FASTKD1: variants seen among roughly 807,000 people sequenced by gnomAD.
FASTKD1 encodes FAST kinase domain-containing protein 1, mitochondrial.
FASTKD1 carries 94 observed loss-of-function variants against 90.9 expected under a neutral mutation model. The ratio of observed to expected loss-of-function variants is 1.03; its 90% CI spans 0.88 to 1.23. The LOEUF (loss-of-function observed/expected upper bound fraction) is 1.23, where lower values mean the gene tolerates loss of function less well. Among genes scored for constraint, FASTKD1 ranks in the 50% most tolerant of loss-of-function variants. The pLI, the probability that FASTKD1 is intolerant of heterozygous loss-of-function variation, is 0.00. For synonymous variants in FASTKD1, 319 were observed against 345.8 expected, an observed-to-expected ratio of 0.92 and a Z score of 0.86; for missense variants, 945 against 993.5, an observed-to-expected ratio of 0.95 and a Z score of 0.66.
In FASTKD1 at chr2:169,571,899, T is replaced by A; in HGVS notation, c.131A>T (p.Asn44Ile). 6.2e-7 allele frequency: 1 copy of A among 1,614,112 alleles called. No homozygotes were observed. The highest frequency in any genetic ancestry group is 1.3e-5 in the African/African-American group (1 of 75,042). ...CATTTGCTCCTCATCTGTACACTTA[T>A]TCATCTGAATAATTAGTGGTTCACA... Reference protein sequence around the residue: ...ISCEPLIIQMNKCTDEEQMFG... With the variant: ...ISCEPLIIQMIKCTDEEQMFG... The change falls in exon 2 of 15, where the codon AAT becomes ATT. Residue 44 changes from asparagine (N) to isoleucine (I), a missense_variant. Asn to Ile is a moderately radical substitution (Grantham distance 149). Transcript: ENST00000453153.
At chr2:169,562,004 C>CAATTATTT (rs1683691874) in intron 4 of FASTKD1, among the ~76,000 whole-genome samples, 1 of 73,688 alleles carries the variant, frequency 1.4e-5, no homozygotes, top group African/African-American at 5.4e-5. Flanking sequence ...ATTAATTATT[C>CAATTATTT]ATTAATTTAT....
intron 10 of FASTKD1, among the ~76,000 whole-genome samples, 170 bp downstream of exon 10, chr2:169,539,881 T>A (rs74407056): frequency 0.027 from 4,113 of 152,286 alleles, 176 homozygotes; most frequent in African/African-American, 0.094. Flanking sequence ...AGATGGGTAA[T>A]TTTTTATTTT....
At position 169,529,160 on chromosome 2, in the gene FASTKD1, A is replaced by AT. The variant is rs1684372658; in HGVS notation, c.*664dup. On this transcript the variant is annotated 3_prime_UTR_variant, in exon 15 of 15. Coordinates refer to ENST00000453153, the MANE Select transcript of FASTKD1 (RefSeq NM_024622.6). ...GTTTAAAAGACATCACAAACTCAAC[A>AT]TATCTAAAACAAACTTGTGATCAAC... Among the ~76,000 whole-genome samples, 1 of 152,076 alleles carries AT rather than the reference A, an allele frequency of 6.6e-6. No individual in the cohort carries two copies. The highest frequency in any genetic ancestry group is 6.6e-5 in the Admixed American group (1 of 15,260).
intron 3 of FASTKD1, among the ~76,000 whole-genome samples, chr2:169,565,590 T>C (rs1683940094): frequency 6.6e-6 from 1 of 152,190 alleles, no homozygotes; most frequent in Non-Finnish European, 1.5e-5. Context: ...ATTCATCTGT[T>C]GATGGACACT....
At chr2:169,542,449 A>C (rs897235739) in intron 9 of FASTKD1, among the ~76,000 whole-genome samples, 6 of 152,368 alleles carry the variant, frequency 3.9e-5, no homozygotes, top group Middle Eastern at 3.4e-3. Flanking sequence ...TAAAAAGGAA[A>C]AGGAAAAGGA....
chr2:169,560,144 A>AT (rs1038802737), intron 5 of FASTKD1: 37 of 260,522 alleles, frequency 1.4e-4, no homozygotes, highest in Non-Finnish European at 1.9e-4. Context: ...GTTTCCCCTC[A>AT]TTTTTTTTCA....
chr2:169,533,972 A>C (rs192827069), intron 12 of FASTKD1, among the ~76,000 whole-genome samples: 2 of 151,998 alleles, frequency 1.3e-5, no homozygotes, highest in Admixed American at 1.3e-4. Context: ...GGAGTTTAAG[A>C]CCAGCCTGTG....
At chr2:169,561,425 G>A (rs749158071) in intron 4 of FASTKD1, among the ~76,000 whole-genome samples, 2 of 152,006 alleles carry the variant, frequency 1.3e-5, no homozygotes, top group African/African-American at 2.4e-5. Flanking sequence ...GACAATCATA[G>A]TACTGGATTA....
At chr2:169,559,453 C>G (rs1211805554) in intron 5 of FASTKD1, among the ~76,000 whole-genome samples, 2 of 151,768 alleles carry the variant, frequency 1.3e-5, no homozygotes, top group African/African-American at 4.8e-5. Flanking sequence ...TCTTTTGAGA[C>G]AAGGTTTCAT....
chr2:169,530,831 TTA>T, intron 13 of FASTKD1, 130 bp from the exon 14 acceptor site: 1 of 647,298 alleles, frequency 1.5e-6, no homozygotes, highest in Non-Finnish European at 2.8e-6. Flanking sequence ...GTATATCAAG[TTA>T]TGTTTCTACT....
At chr2:169,571,031 A>G (rs926118452) in intron 2 of FASTKD1, 1 of 152,272 alleles carries the variant, frequency 6.6e-6, no homozygotes, top group Non-Finnish European at 1.5e-5. Context: ...GCAGCCAACC[A>G]CATTTTCACA....
At chr2:169,561,811 A>G (rs555493953) in intron 4 of FASTKD1, among the ~76,000 whole-genome samples, 15 of 145,762 alleles carry the variant, frequency 1.0e-4, no homozygotes, top group Admixed American at 9.1e-4. Context: ...TTATTAATTT[A>G]TTGTAAATTA....
Position 169,563,307 on chromosome 2 carries a change from C to T in FASTKD1, c.490G>A (p.Asp164Asn), listed in dbSNP as rs1166525542. 6.2e-7 allele frequency: 1 copy of T among 1,611,526 alleles called. No homozygotes were observed. The highest frequency in any genetic ancestry group is 2.2e-5 in the East Asian group (1 of 44,814). ...LLSEFSSCLA[D>N]QHLYFSPLMG... ...AATGGACTAAAATACAAATGCTGAT[C>T]TGCTAGGCAAGAGGAAAATTCTGAG... The change falls in exon 4 of 15, where the codon GAT becomes AAT. Residue 164 changes from aspartate to asparagine, a missense_variant. Coordinates refer to ENST00000453153, the MANE Select transcript of FASTKD1 (RefSeq NM_024622.6).
intron 4 of FASTKD1, among the ~76,000 whole-genome samples, chr2:169,561,621 A>C (rs1408978577): frequency 6.6e-6 from 1 of 150,900 alleles, no homozygotes; most frequent in Non-Finnish European, 1.5e-5. Context: ...AGATGGAAAG[A>C]ATAAAAAAGA....
chr2:169,571,582 A>G (rs1169105440), intron 2 of FASTKD1, 71 bp downstream of exon 2: 1 of 1,049,572 alleles, frequency 9.5e-7, no homozygotes, highest in African/African-American at 1.6e-5. Context: ...AAATGAAAAT[A>G]AAGAGATTTT....
chr2:169,563,174 C>T lies in FASTKD1; in HGVS notation c.572+51G>A, dbSNP rs1460157953. 4.5e-6 allele frequency: 7 copies of T among 1,572,734 alleles called. No individual in the cohort carries two copies. In the African/African-American group the frequency reaches 6.8e-5, roughly 15 times the overall value. ...TAGCAAATCTGACTGCATCCACATCCAAAGCCCAGGATCTTTCCACCACAA... is the reference window on the plus strand; with the variant it reads ...TAGCAAATCTGACTGCATCCACATCTAAAGCCCAGGATCTTTCCACCACAA... On this transcript the variant is annotated intron_variant, in intron 4 of 14. Coordinates refer to ENST00000453153, the MANE Select transcript of FASTKD1 (RefSeq NM_024622.6).
intron 3 of FASTKD1, among the ~76,000 whole-genome samples, chr2:169,564,201 T>C (rs1683849835): frequency 6.6e-6 from 1 of 152,154 alleles, no homozygotes; most frequent in Non-Finnish European, 1.5e-5. Context: ...GACACAGTAA[T>C]TGTGAACCTT....
intron 3 of FASTKD1, among the ~76,000 whole-genome samples, chr2:169,564,717 G>A (rs1292867538): frequency 6.6e-6 from 1 of 151,226 alleles, no homozygotes; most frequent in Non-Finnish European, 1.5e-5. Flanking sequence ...CCCCACAATC[G>A]CCCGTTACCC....
Position 169,571,872 on chromosome 2 carries a change from A to G in FASTKD1, c.158T>C (p.Phe53Ser). 2.5e-6 allele frequency: 4 copies of G among 1,614,090 alleles called. No individual in the cohort carries two copies. Among genetic ancestry groups the G allele is most frequent in the Non-Finnish European group, 3.4e-6 (4 of 1,179,988 alleles). Residue 53 changes from phenylalanine (F) to serine (S), a missense_variant, in exon 2 of 15, where the codon TTT (phenylalanine) becomes TCT (serine). Physicochemically the swap from Phe to Ser is radical, Grantham distance 155. Coordinates refer to ENST00000453153, the MANE Select transcript of FASTKD1 (RefSeq NM_024622.6). Reference sequence around the variant, plus strand: ...GGCTTTGTTTCTTTCAATAAAACCAAACATTTGCTCCTCATCTGTACACTT... The same window carrying G: ...GGCTTTGTTTCTTTCAATAAAACCAGACATTTGCTCCTCATCTGTACACTT... Reference protein sequence around the residue: ...MNKCTDEEQMFGFIERNKAIL... With the variant: ...MNKCTDEEQMSGFIERNKAIL...
Sources: gnomAD v4.1 joint callset for allele counts (sites outside exome capture counted in the v4.1 genomes callset) on GRCh38, gnomAD v4.1.1 for gene constraint, MANE v1.5 for transcripts, NCBI Gene and HGNC (gene_info 2026-07-23, HGNC 2026-07-21) for gene names.